The following XDH variants were observed in gnomAD, a reference collection of about 807,000 sequenced individuals.
XDH encodes xanthine dehydrogenase, also known as xanthine dehydrogenase/oxidase.
In XDH, 138 loss-of-function variants were observed where a neutral mutation model predicts 156.1. That is an observed-to-expected ratio of 0.88 (90% confidence interval 0.77 to 1.02). XDH has a LOEUF of 1.02. Among genes scored for constraint, XDH ranks in the 50% least tolerant of loss-of-function variants. The probability of loss-of-function intolerance (pLI) is 0.00; values close to 1 mark genes in which losing one functional copy is unlikely to be tolerated. For missense variants in XDH, 1,849 were observed against 1,684.9 expected (o/e 1.10, Z -1.71); for synonymous variants, 669 against 625.7 (o/e 1.07, Z -1.03).
In XDH at chr2:31,366,894, A is replaced by G; in HGVS notation, c.2298T>C (p.Ser766=). The G allele has an allele frequency of 6.2e-7, 1 of 1,614,192 alleles. No homozygotes were observed. Residue 766 remains serine (S), a synonymous_variant, in exon 21 of 36, where the codon TCT becomes TCC. Transcript: ENST00000379416. ...CCTGGGTCTTCATGGTGTTCTGTGT[A>G]GACACAAAGAGCTCCATCTCCCCTG... ...GEAGEMELFV[S]TQNTMKTQSF...
In XDH at chr2:31,414,699, C is replaced by G. The variant is rs1424759080; in HGVS notation, c.-33G>C. The G allele has an allele frequency of 1.2e-6, 2 of 1,613,846 alleles. No individual in the cohort carries two copies. The highest frequency in any genetic ancestry group is 2.7e-5 in the African/African-American group (2 of 74,892). On this transcript the variant is annotated 5_prime_UTR_variant, in exon 1 of 36. Transcript: ENST00000379416. Reference sequence around the variant, plus strand: ...GGTTGGGGTCCCCGAACTCCAGGTACCTCACTCCTAAGAGACACTGGCAGG... The same window carrying G: ...GGTTGGGGTCCCCGAACTCCAGGTAGCTCACTCCTAAGAGACACTGGCAGG...
intron 17 of XDH, 30 bp downstream of exon 17, chr2:31,372,198 C>T (rs1042845555): frequency 6.2e-7 from 1 of 1,614,108 alleles, no homozygotes; most frequent in Non-Finnish European, 8.5e-7. Flanking sequence ...TCACAGCATT[C>T]CACCAGCTCC....
intron 13 of XDH, among the ~76,000 whole-genome samples, chr2:31,378,111 G>GAAAGAAAGAAAGAAAGAAAGAAA (rs1686310900): frequency 2.4e-5 from 1 of 41,712 alleles, no homozygotes; most frequent in African/African-American, 1.1e-4. Context: ...AGAAAGAAAG[G>GAAAGAAAGAAAGAAAGAAAGAAA]AAGGAAGGAA....
Position 31,388,312 on chromosome 2 carries a change from C to T in XDH, c.496-17G>A. 4 of 1,613,448 alleles carry T rather than the reference C, an allele frequency of 2.5e-6. No homozygotes were observed. Among genetic ancestry groups the T allele is most frequent in the Non-Finnish European group, 3.4e-6 (4 of 1,179,380 alleles). ...TCCACCATCCTAGAGAGATGATGAA[C>T]ATCTGCACAAGGGTATTTACAAAGA... On this transcript the variant is annotated splice_polypyrimidine_tract_variant and intron_variant, in intron 6 of 35. Transcript: ENST00000379416.
intron 18 of XDH, among the ~76,000 whole-genome samples, chr2:31,369,349 T>C (rs1686007993): frequency 1.3e-5 from 2 of 152,214 alleles, no homozygotes; most frequent in African/African-American, 4.8e-5. Context: ...ATAATGATTG[T>C]TGTTTTATTT....
At chr2:31,386,390 C>G in intron 9 of XDH, 24 bp downstream of exon 9, 1 of 1,610,332 alleles carries the variant, frequency 6.2e-7, no homozygotes, top group East Asian at 2.2e-5. Context: ...CTGGCAGCCC[C>G]AGGGCAGCCT....
rs1685697430 is a variant in XDH, at chr2:31,358,826, T to A, written c.2631+5332A>T. Among the ~76,000 whole-genome samples, 4 of 152,162 alleles carry A rather than the reference T, an allele frequency of 2.6e-5. No individual in the cohort carries two copies. In the South Asian group the frequency reaches 8.3e-4, roughly 32 times the overall value. On this transcript the variant is annotated intron_variant, in intron 24 of 35. Coordinates refer to ENST00000379416, the MANE Select transcript of XDH (RefSeq NM_000379.4). ...ACCCTACCAATAACATATTTAATGGTGAAAGACTGGATGTCTTCCCCTTAA... is the reference window on the plus strand; with the variant it reads ...ACCCTACCAATAACATATTTAATGGAGAAAGACTGGATGTCTTCCCCTTAA...
chr2:31,348,445 G>T, intron 27 of XDH, 82 bp from the exon 28 acceptor site: 1 of 1,324,998 alleles, frequency 7.5e-7, no homozygotes, highest in Non-Finnish European at 1.1e-6. Flanking sequence ...ATGGAGCCCA[G>T]GAACAAGAGA....
chr2:31,341,442 T>A, intron 32 of XDH, 48 bp from the exon 33 acceptor site: 1 of 1,538,842 alleles, frequency 6.5e-7, no homozygotes, highest in Non-Finnish European at 8.8e-7. Context: ...GAAAAGATGT[T>A]TGGAATATGA....
At chr2:31,413,585 C>G (rs1187146355) in intron 1 of XDH, among the ~76,000 whole-genome samples, 1 of 152,152 alleles carries the variant, frequency 6.6e-6, no homozygotes, top group Non-Finnish European at 1.5e-5. Flanking sequence ...TCCAGTGAAG[C>G]ACATTATTGT....
At position 31,375,589 on chromosome 2, in the gene XDH, C is replaced by T. The variant is rs114022328; in HGVS notation, c.1428-35G>A. The T allele has an allele frequency of 3.7e-5, 60 of 1,606,186 alleles. No homozygotes were observed. In the African/African-American group the frequency reaches 6.5e-4, roughly 18 times the overall value. On this transcript the variant is annotated intron_variant, in intron 14 of 35. Transcript: ENST00000379416. Reference sequence around the variant, plus strand: ...AGCAGGGCGTGGGACAGCGCTCCCGCCCAGCCCTCCAGACCCCTTTGTGTA... The same window carrying T: ...AGCAGGGCGTGGGACAGCGCTCCCGTCCAGCCCTCCAGACCCCTTTGTGTA...
intron 1 of XDH, among the ~76,000 whole-genome samples, chr2:31,411,995 G>C (rs540041196): frequency 2.0e-5 from 3 of 149,706 alleles, no homozygotes; most frequent in Non-Finnish European, 4.5e-5. Flanking sequence ...GAAAGTCACC[G>C]TGACGATCTC....
chr2:31,337,645 GTGGTGAAC>G lies in XDH; in HGVS notation c.3939_3946del (p.Lys1313AsnfsTer73). On this transcript the variant is annotated frameshift_variant, in exon 35 of 36. Transcript: ENST00000379416. LOFTEE classifies it high-confidence loss of function. ...GATGCTTGAGGGGCATCATACCAGG[GTGGTGAAC>G]TTGTCCACGCAGGCATTGCGGATCT... The G allele has an allele frequency of 6.2e-7, 1 of 1,614,066 alleles. No homozygotes were observed. Among genetic ancestry groups the G allele is most frequent in the Non-Finnish European group, 8.5e-7 (1 of 1,180,048 alleles).
At position 31,365,535 on chromosome 2, in the gene XDH, G is replaced by A. The variant is rs1269011754; in HGVS notation, c.2466C>T (p.Arg822=). 1.1e-5 allele frequency: 18 copies of A among 1,614,014 alleles called. No homozygotes were observed. Among genetic ancestry groups the A allele is most frequent in the Non-Finnish European group, 1.4e-5 (17 of 1,180,032 alleles). ...AVALAAYKTG[R]PVRCMLDRDE... ...CACGGTCCAGCATGCATCGCACAGG[G>A]CGGCCGGTCCTGGGGGTTACCGACA... Residue 822 remains arginine, a synonymous_variant, in exon 23 of 36, where the codon CGC becomes CGT. Transcript: ENST00000379416.
chr2:31,387,438 G>C (rs1485451612), intron 8 of XDH, among the ~76,000 whole-genome samples: 1 of 152,122 alleles, frequency 6.6e-6, no homozygotes, highest in African/African-American at 2.4e-5. Flanking sequence ...TGCTTATAGA[G>C]GGAATACGTT....
Position 31,389,988 on chromosome 2 carries a change from A to G in XDH, c.496-1693T>C, listed in dbSNP as rs79424674. ...TATCCTCAAAAGTGGCATATTTGTT[A>G]CAACTGATGGACCCACATTGACACA... On this transcript the variant is annotated intron_variant, in intron 6 of 35. Transcript: ENST00000379416. 4.1e-4 allele frequency among the ~76,000 whole-genome samples: 62 copies of G among 152,318 alleles called. 1 individual carries two copies. The East Asian group carries it at 0.012, about 29-fold the overall frequency.
At chr2:31,368,768 G>C in intron 18 of XDH, 108 bp from the exon 19 acceptor site, 1 of 1,596,726 alleles carries the variant, frequency 6.3e-7, no homozygotes. Flanking sequence ...CACAATCAAA[G>C]CACACTTTAG....
chr2:31,359,609 G>A (rs2148763059), intron 24 of XDH, among the ~76,000 whole-genome samples: 1 of 152,268 alleles, frequency 6.6e-6, no homozygotes, highest in Admixed American at 6.5e-5. Flanking sequence ...GCTGAAACTA[G>A]TAAAGCAGTA....
intron 3 of XDH, among the ~76,000 whole-genome samples, chr2:31,402,526 G>C (rs1430586216): frequency 6.6e-6 from 1 of 152,190 alleles, no homozygotes; most frequent in Non-Finnish European, 1.5e-5. Context: ...ATGGCTTCCT[G>C]GAGGGGGTGA....
Sources: allele counts gnomAD v4.1 joint callset (sites outside exome capture counted in the v4.1 genomes callset), GRCh38; gene constraint gnomAD v4.1.1; transcripts MANE v1.5; gene names NCBI Gene and HGNC (gene_info 2026-07-23, HGNC 2026-07-21).